Variants in EXOC2 observed in about 807,000 individuals in gnomAD.
EXOC2 encodes exocyst complex component 2, also known as SEC5-like 1.
Under a neutral mutation model 131.8 loss-of-function variants are expected in EXOC2, and 70 were observed. The ratio of observed to expected loss-of-function variants is 0.53; its 90% CI spans 0.44 to 0.65. EXOC2 has a LOEUF of 0.65. Ranked by LOEUF, EXOC2 falls within the 30% of genes least tolerant of loss-of-function variation. The probability of loss-of-function intolerance (pLI) is 0.00; values close to 1 mark genes in which losing one functional copy is unlikely to be tolerated. For synonymous variants in EXOC2, 411 were observed against 398.4 expected, an observed-to-expected ratio of 1.03 and a Z score of -0.38; for missense variants, 923 against 1,108.6, an observed-to-expected ratio of 0.83 and a Z score of 2.38.
At chr6:619,293 C>T (rs1150855) in intron 5 of EXOC2, 137 bp downstream of exon 5, 117,853 of 580,028 alleles carry the variant, frequency 0.2, 13,579 homozygotes, top group African/African-American at 0.4. Flanking sequence ...CACGGGTAAA[C>T]GCAAAGTCAA....
At chr6:574,275 T>C (rs952429778) in intron 12 of EXOC2, among the ~76,000 whole-genome samples, 2 of 152,072 alleles carry the variant, frequency 1.3e-5, no homozygotes, top group Non-Finnish European at 2.9e-5. Flanking sequence ...GCACCTGTGG[T>C]TGTAATTTTG....
chr6:570,653 T>C (rs1488156289), intron 13 of EXOC2, among the ~76,000 whole-genome samples: 2 of 152,212 alleles, frequency 1.3e-5, no homozygotes, highest in Non-Finnish European at 2.9e-5. Flanking sequence ...TCAGACATTA[T>C]TATCAGCACT....
chr6:622,615 G>A (rs1326657582), intron 4 of EXOC2, among the ~76,000 whole-genome samples: 2 of 152,210 alleles, frequency 1.3e-5, no homozygotes. Flanking sequence ...TGCATGCCCT[G>A]GAGAAACGGC....
chr6:663,739 C>G (rs1183089876), intron 1 of EXOC2, among the ~76,000 whole-genome samples: 1 of 152,138 alleles, frequency 6.6e-6, no homozygotes, highest in African/African-American at 2.4e-5. Context: ...ATCCAACTTC[C>G]CTTTATAATT....
chr6:666,246 CTT>C (rs1447074756), intron 1 of EXOC2, among the ~76,000 whole-genome samples: 1 of 152,218 alleles, frequency 6.6e-6, no homozygotes, highest in African/African-American at 2.4e-5. Flanking sequence ...AGACACTTCT[CTT>C]GTTTCCAGCA....
chr6:613,728 G>A (rs1291165614), intron 6 of EXOC2, among the ~76,000 whole-genome samples: 1 of 152,162 alleles, frequency 6.6e-6, no homozygotes, highest in South Asian at 2.1e-4. Context: ...TCAACTCAGA[G>A]CAAAGGCTCT....
intron 1 of EXOC2, chr6:679,077 T>C (rs1764281888): frequency 6.6e-6 from 1 of 152,002 alleles, no homozygotes; most frequent in Non-Finnish European, 1.5e-5. Context: ...AAGGACAACA[T>C]TTGGACTTGA....
chr6:606,346 A>AC (rs1760410341), intron 7 of EXOC2, among the ~76,000 whole-genome samples: 1 of 152,198 alleles, frequency 6.6e-6, no homozygotes, highest in African/African-American at 2.4e-5. Flanking sequence ...CAGCACACCA[A>AC]CATGGCACAT....
chr6:638,642 A>G (rs1478325703), intron 1 of EXOC2, among the ~76,000 whole-genome samples: 5 of 152,260 alleles, frequency 3.3e-5, no homozygotes, highest in African/African-American at 1.2e-4. Context: ...GCAATAAATA[A>G]TAAAAGTTTG....
intron 4 of EXOC2, among the ~76,000 whole-genome samples, chr6:625,372 G>A (rs952944756): frequency 9.2e-5 from 14 of 152,258 alleles, no homozygotes; most frequent in African/African-American, 2.9e-4. Flanking sequence ...TGATTTGGCG[G>A]ATGGAAGACG....
chr6:570,795 GA>G (rs1758236185), intron 13 of EXOC2, among the ~76,000 whole-genome samples: 1 of 152,208 alleles, frequency 6.6e-6, no homozygotes, highest in Admixed American at 6.5e-5. Context: ...TGTTCTGCGT[GA>G]AAACCTATGA....
intron 25 of EXOC2, among the ~76,000 whole-genome samples, chr6:495,397 T>G (rs886981131): frequency 6.6e-6 from 1 of 152,102 alleles, no homozygotes; most frequent in African/African-American, 2.4e-5. Context: ...GTGCTGGGAT[T>G]ACAGGTGTGA....
intron 4 of EXOC2, 89 bp from the exon 5 acceptor site, chr6:619,632 T>C (rs1761186648): frequency 1.3e-6 from 1 of 762,266 alleles, no homozygotes; most frequent in African/African-American, 1.7e-5. Flanking sequence ...ATAACACATA[T>C]GAATACTAAC....
intron 2 of EXOC2, 38 bp from the exon 3 acceptor site, chr6:633,155 C>T (rs1761936815): frequency 1.9e-6 from 3 of 1,600,728 alleles, no homozygotes; most frequent in Non-Finnish European, 2.5e-6. Context: ...AATTCAAAGA[C>T]AAGAACAATA....
intron 1 of EXOC2, among the ~76,000 whole-genome samples, chr6:645,183 A>G (rs1762524561): frequency 1.3e-5 from 2 of 152,104 alleles, no homozygotes; most frequent in Admixed American, 6.5e-5. Context: ...CAAGGCACCA[A>G]AGTAATTCAA....
intron 4 of EXOC2, among the ~76,000 whole-genome samples, chr6:620,183 G>A (rs936251148): frequency 2.0e-5 from 3 of 152,092 alleles, no homozygotes; most frequent in East Asian, 1.9e-4. Context: ...ATATTCGTTC[G>A]ACTATTAATC....
intron 22 of EXOC2, among the ~76,000 whole-genome samples, chr6:537,389 C>T (rs987730347): frequency 1.5e-4 from 22 of 147,310 alleles, no homozygotes; most frequent in Non-Finnish European, 2.7e-4. Flanking sequence ...GCCGACGGAG[C>T]GTACACTCGA....
chr6:684,059 A>G (rs910880199), intron 1 of EXOC2, among the ~76,000 whole-genome samples: 2 of 152,212 alleles, frequency 1.3e-5, no homozygotes, highest in Admixed American at 1.3e-4. Flanking sequence ...CCCTGTTAGC[A>G]GCCTCTCGGC....
At position 617,757 on chromosome 6, in the gene EXOC2, C is replaced by A. The variant is rs761638061; in HGVS notation, c.615G>T (p.Val205=). The change falls in exon 6 of 28, where the codon GTG becomes GTT. Residue 205 remains valine (V), a synonymous_variant. Transcript: ENST00000230449. ...NKKSEGSLAY[V]KGGLSTFFEA... is the part of the protein sequence containing the mutation. ...CGAAGAATGTACTGAGACCGCCTTT[C>A]ACATAGGCCAGGCTGCCCTCACTCT... is the stretch of plus-strand genomic sequence containing the variant. 39 of 1,613,546 alleles carry A rather than the reference C, an allele frequency of 2.4e-5. No homozygotes were observed. The highest frequency in any genetic ancestry group is 3.1e-5 in the Non-Finnish European group (36 of 1,179,778).
Sources: gnomAD v4.1 joint callset for allele counts (sites outside exome capture counted in the v4.1 genomes callset) on GRCh38, gnomAD v4.1.1 for gene constraint, MANE v1.5 for transcripts, NCBI Gene and HGNC (gene_info 2026-07-23, HGNC 2026-07-21) for gene names.